The following GALNT13 variants were observed in gnomAD, a reference collection of about 807,000 sequenced individuals.
The protein encoded by GALNT13 is UDP-GalNAc:polypeptide N-acetylgalactosaminyltransferase 13.
In GALNT13, 28 loss-of-function variants were observed where a neutral mutation model predicts 64.2. That is an observed-to-expected ratio of 0.44 (90% CI 0.32 to 0.60). GALNT13 has a LOEUF of 0.60. Ranked by LOEUF, GALNT13 falls within the 20% of genes least tolerant of loss-of-function variation. The pLI is 0.05. For synonymous variants in GALNT13, 214 were observed against 224.6 expected, an observed-to-expected ratio of 0.95 and a Z score of 0.42; for missense variants, 577 against 669.8, an observed-to-expected ratio of 0.86 and a Z score of 1.53.
At chr2:153,876,147 C>T (rs1686352390) in intron 1 of GALNT13, among the ~76,000 whole-genome samples, 1 of 151,772 alleles carries the variant, frequency 6.6e-6, no homozygotes, top group South Asian at 2.1e-4. Context: ...TATATATACT[C>T]ATATTTATTC....
At chr2:153,390,790 T>C in the GALNT13 span, among the ~76,000 whole-genome samples, 5 of 152,060 alleles carry the variant, frequency 3.3e-5, no homozygotes, top group African/African-American at 1.2e-4. Flanking sequence ...CCGGCAGTTG[T>C]GATAACGTAA....
At chr2:153,852,262 C>T in the GALNT13 span, among the ~76,000 whole-genome samples, 29 of 152,120 alleles carry the variant, frequency 1.9e-4, no homozygotes, top group South Asian at 1.0e-3. Flanking sequence ...TATCATGAAA[C>T]GCAACAACTG....
the GALNT13 span, among the ~76,000 whole-genome samples, chr2:153,078,318 CTTTTTTT>C: frequency 1.5e-5 from 2 of 134,016 alleles, no homozygotes; most frequent in Non-Finnish European, 1.6e-5. Context: ...CCTTTTCATT[CTTTTTTT>C]TTTTTTTTTC....
chr2:154,165,918 A>G (rs1684996635), intron 4 of GALNT13, among the ~76,000 whole-genome samples: 1 of 152,192 alleles, frequency 6.6e-6, no homozygotes, highest in African/African-American at 2.4e-5. Flanking sequence ...GAGAGTATTG[A>G]ACAGAGTCAC....
intron 2 of GALNT13, among the ~76,000 whole-genome samples, chr2:153,933,534 T>C (rs2105361479): frequency 6.6e-6 from 1 of 152,274 alleles, no homozygotes; most frequent in East Asian, 1.9e-4. Context: ...ACTTTGTGCC[T>C]TTTAAGTGGG....
the GALNT13 span, among the ~76,000 whole-genome samples, chr2:153,521,890 G>A: frequency 1.3e-5 from 2 of 151,998 alleles, no homozygotes; most frequent in East Asian, 3.9e-4. Context: ...TTTCTTTTTA[G>A]TGCTGAATAA....
chr2:153,856,683 T>C, the GALNT13 span, among the ~76,000 whole-genome samples: 183 of 152,242 alleles, frequency 1.2e-3, no homozygotes, highest in African/African-American at 4.3e-3. Flanking sequence ...ATAGGGAAAA[T>C]TTATACAATT....
intron 3 of GALNT13, among the ~76,000 whole-genome samples, chr2:154,025,432 C>T (rs1279235690): frequency 6.6e-6 from 1 of 152,162 alleles, no homozygotes; most frequent in Non-Finnish European, 1.5e-5. Context: ...CATGCCAGTA[C>T]ATACACACAC....
chr2:153,167,774 C>T, the GALNT13 span, among the ~76,000 whole-genome samples: 1 of 152,118 alleles, frequency 6.6e-6, no homozygotes, highest in African/African-American at 2.4e-5. Flanking sequence ...AAAAAGGCTG[C>T]TTCTATGGGC....
the GALNT13 span, among the ~76,000 whole-genome samples, chr2:153,685,135 T>C: frequency 6.6e-6 from 1 of 151,956 alleles, no homozygotes; most frequent in Non-Finnish European, 1.5e-5. Context: ...CACGCCTCTT[T>C]ATAGTAGAAT....
At chr2:153,579,587 A>G in the GALNT13 span, among the ~76,000 whole-genome samples, 78,729 of 152,002 alleles carry the variant, frequency 0.52, 22,413 homozygotes, top group African/African-American at 0.76. Flanking sequence ...AAAAGAGAGA[A>G]AATAGCATGA....
chr2:154,361,287 C>A (rs948192514), intron 9 of GALNT13, among the ~76,000 whole-genome samples: 4 of 152,066 alleles, frequency 2.6e-5, no homozygotes, highest in Admixed American at 2.6e-4. Context: ...ATAAACGCTT[C>A]CTTCAAGATT....
At chr2:153,347,757 A>G in the GALNT13 span, among the ~76,000 whole-genome samples, 68,337 of 152,022 alleles carry the variant, frequency 0.45, 16,570 homozygotes, top group Non-Finnish European at 0.56. Context: ...CATATGGTCT[A>G]ATGCTGGGTG....
At chr2:153,242,794 A>G in the GALNT13 span, among the ~76,000 whole-genome samples, 3 of 152,202 alleles carry the variant, frequency 2.0e-5, no homozygotes, top group African/African-American at 7.2e-5. Flanking sequence ...ATAATTATTA[A>G]CAGCCTGGGA....
intron 3 of GALNT13, among the ~76,000 whole-genome samples, chr2:154,066,724 A>C (rs1006834263): frequency 6.6e-6 from 1 of 152,194 alleles, no homozygotes; most frequent in Admixed American, 6.5e-5. Flanking sequence ...TCCTACAAGA[A>C]ATACGAAAGG....
At chr2:153,367,912 T>C in the GALNT13 span, among the ~76,000 whole-genome samples, 1 of 151,534 alleles carries the variant, frequency 6.6e-6, no homozygotes, top group Non-Finnish European at 1.5e-5. Flanking sequence ...AAAGAACAGA[T>C]GGAATAAATA....
At chr2:153,734,616 G>A in the GALNT13 span, among the ~76,000 whole-genome samples, 1 of 152,030 alleles carries the variant, frequency 6.6e-6, no homozygotes, top group East Asian at 1.9e-4. Context: ...TTTTCGATTG[G>A]CTGCAAAAGG....
At chr2:154,074,251 A>G (rs1469327275) in intron 3 of GALNT13, among the ~76,000 whole-genome samples, 4 of 151,896 alleles carry the variant, frequency 2.6e-5, no homozygotes, top group African/African-American at 4.8e-5. Flanking sequence ...ATTATCTTAA[A>G]TAAGTTATGC....
At chr2:153,943,374 G>A (rs1391998892) in intron 2 of GALNT13, among the ~76,000 whole-genome samples, 2 of 152,270 alleles carry the variant, frequency 1.3e-5, no homozygotes, top group Non-Finnish European at 2.9e-5. Flanking sequence ...TTTCTCTGCA[G>A]ATCAGCTGGG....
Sources: allele counts gnomAD v4.1 joint callset (sites outside exome capture counted in the v4.1 genomes callset), GRCh38; gene constraint gnomAD v4.1.1; transcripts MANE v1.5; gene names NCBI Gene and HGNC (gene_info 2026-07-23, HGNC 2026-07-21).